ARHGEF18: variants seen among roughly 807,000 people sequenced by gnomAD.
The protein encoded by ARHGEF18 is Rho/Rac guanine nucleotide exchange factor 18.
A neutral mutation model predicts 155.7 loss-of-function variants in ARHGEF18; 93 were observed. That is an observed-to-expected ratio of 0.60 (90% CI 0.50 to 0.71). The LOEUF (loss-of-function observed/expected upper bound fraction) is 0.71, where lower values mean the gene tolerates loss of function less well. ARHGEF18 is among the 30% of genes least tolerant of loss of function. The pLI is 0.00. For synonymous variants in ARHGEF18, 742 were observed against 753.1 expected (o/e 0.99, Z 0.24); for missense variants, 1,593 against 1,816.1 (o/e 0.88, Z 2.23).
At chr19:7,366,747 T>C (rs1004937365) in intron 2 of ARHGEF18, among the ~76,000 whole-genome samples, 2 of 152,012 alleles carry the variant, frequency 1.3e-5, no homozygotes, top group Admixed American at 6.6e-5. Flanking sequence ...CTCCTGAAAT[T>C]TATTTATTTT....
In ARHGEF18 at chr19:7,451,071, C is replaced by T. The variant is rs554144285; in HGVS notation, c.1738-78C>T. The T allele has an allele frequency of 8.6e-4, 1,029 of 1,193,830 alleles. 14 individuals are homozygous for T. The African/African-American group carries it at 0.024, about 28-fold the overall frequency. 74.0% of individuals were successfully genotyped at this position (1,193,830 alleles called of 1,614,324 possible). ...GATGTTAATGCGGGATCTTGCTGTC[C>T]GTTTCTGAGATGTTAATACAGGATC... On this transcript the variant is annotated intron_variant, in intron 15 of 28. Coordinates refer to ENST00000668164, the MANE Select transcript of ARHGEF18 (RefSeq NM_001367823.1).
At chr19:7,458,052 C>T (rs915042648) in intron 18 of ARHGEF18, among the ~76,000 whole-genome samples, 5 of 151,834 alleles carry the variant, frequency 3.3e-5, no homozygotes, top group African/African-American at 1.2e-4. Flanking sequence ...TTTGGGAGGC[C>T]GAGATAGGAG....
chr19:7,424,200 A>G (rs1166078524), intron 10 of ARHGEF18, among the ~76,000 whole-genome samples: 3 of 151,672 alleles, frequency 2.0e-5, no homozygotes. Context: ...CTAATTTTGT[A>G]TATTTAGTAG....
intron 19 of ARHGEF18, among the ~76,000 whole-genome samples, chr19:7,459,241 A>G (rs1281508728): frequency 2.0e-5 from 3 of 151,458 alleles, no homozygotes; most frequent in Non-Finnish European, 4.4e-5. Flanking sequence ...TGTTTTTTAG[A>G]GTCTGGCTCT....
chr19:7,458,547 C>T lies in ARHGEF18; in HGVS notation c.2217C>T (p.Leu739=), dbSNP rs771857478. ...CACCCGTCATCTCGTTACAAAAGCT[C>T]ATCGTGAGGGAAGTGGCCAACGAGG... The part of the protein sequence containing the change: ...SKPPVISLQK[L]IVREVANEEK... Residue 739 remains leucine (L), a synonymous_variant, in exon 19 of 29, where the codon CTC becomes CTT. Transcript: ENST00000668164. 2 of 1,614,130 alleles carry T rather than the reference C, an allele frequency of 1.2e-6. No homozygotes were observed. The highest frequency in any genetic ancestry group is 1.6e-4 in the Middle Eastern group (1 of 6,062).
At chr19:7,475,376 G>A (rs1247464955), downstream of ARHGEF18, among the ~76,000 whole-genome samples, 1 of 152,202 alleles carries the variant, frequency 6.6e-6, no homozygotes, top group East Asian at 1.9e-4. Context: ...AACAGCTGAG[G>A]GGTGTGAGGT....
chr19:7,442,146 C>T (rs1974695123), intron 13 of ARHGEF18, 94 bp downstream of exon 13: 18 of 456,102 alleles, frequency 3.9e-5, no homozygotes, highest in Admixed American at 1.4e-4. Flanking sequence ...TCCTTCCTTC[C>T]TTCCTTCCTT....
rs78665436 is a variant in ARHGEF18, at chr19:7,368,452, T to C, written c.16-4360T>C. On this transcript the variant is annotated intron_variant, in intron 2 of 28. Transcript: ENST00000668164. ...GGCTCTCATCTTTTCTTGCCCAAGATATGTCAGAACAAAGGTGCAAGCTCC... is the reference window on the plus strand; with the variant it reads ...GGCTCTCATCTTTTCTTGCCCAAGACATGTCAGAACAAAGGTGCAAGCTCC... Among the ~76,000 whole-genome samples, 375 of 152,210 alleles carry C rather than the reference T, an allele frequency of 2.5e-3. 10 individuals carry two copies. The East Asian group carries it at 0.06, about 25-fold the overall frequency.
chr19:7,352,724 G>A (rs575322390), intron 1 of ARHGEF18, among the ~76,000 whole-genome samples: 100 of 150,142 alleles, frequency 6.7e-4, no homozygotes, highest in African/African-American at 9.3e-4. Flanking sequence ...CAGTAGAGAC[G>A]GGGTTTCACA....
In ARHGEF18 at chr19:7,463,855, C is replaced by T; in HGVS notation, c.2673C>T (p.Gly891=). The T allele has an allele frequency of 6.2e-7, 1 of 1,606,250 alleles. No homozygotes were observed. The highest frequency in any genetic ancestry group is 8.5e-7 in the Non-Finnish European group (1 of 1,176,900). Residue 891 remains glycine, a synonymous_variant, in exon 22 of 29, where the codon GGC becomes GGT. Transcript: ENST00000668164. The surrounding 1 kb of genome is among the most constrained non-coding windows in gnomAD (Gnocchi z 5.2). ...GIQSLICRQL[G]SANGQAEDGG... Reference sequence around the variant, plus strand: ...AGAGCCTGATCTGCAGGCAGCTGGGCAGCGCCAACGGCCAGGCGGAAGACG... The same window carrying T: ...AGAGCCTGATCTGCAGGCAGCTGGGTAGCGCCAACGGCCAGGCGGAAGACG...
At chr19:7,419,118 CA>C (rs549725450) in intron 10 of ARHGEF18, among the ~76,000 whole-genome samples, 1,671 of 131,612 alleles carry the variant, frequency 0.013, 335 homozygotes, top group East Asian at 0.081. Flanking sequence ...CTCTGTACCC[CA>C]GATGTACCCA....
intron 2 of ARHGEF18, among the ~76,000 whole-genome samples, chr19:7,371,946 C>T (rs182093117): frequency 1.3e-5 from 2 of 152,200 alleles, no homozygotes; most frequent in South Asian, 2.1e-4. Flanking sequence ...GCAAACCCTG[C>T]GTAGCTCCTC....
chr19:7,373,695 C>T lies in ARHGEF18; in HGVS notation c.275+624C>T, dbSNP rs182243607. Among the ~76,000 whole-genome samples the T allele has an allele frequency of 2.0e-3, 295 of 151,274 alleles. 1 individual carries two copies. Among genetic ancestry groups the T allele is most frequent in the Non-Finnish European group, 2.6e-3 (176 of 67,852 alleles). ...TTCACCATGTTGGTCAGGCTGGTCTCGAACTCCTGACTTCATGATCTGCCT... is the reference window on the plus strand; with the variant it reads ...TTCACCATGTTGGTCAGGCTGGTCTTGAACTCCTGACTTCATGATCTGCCT... On this transcript the variant is annotated intron_variant, in intron 3 of 28. Transcript: ENST00000668164.
intron 2 of ARHGEF18, among the ~76,000 whole-genome samples, chr19:7,371,626 A>G (rs8101072): frequency 0.2 from 29,849 of 151,744 alleles, 6,679 homozygotes; most frequent in African/African-American, 0.54. Context: ...TTCGAGACCA[A>G]CCCGGCCAAC....
intron 1 of ARHGEF18, among the ~76,000 whole-genome samples, chr19:7,360,385 G>GCA (rs1969496781): frequency 6.6e-6 from 1 of 151,998 alleles, no homozygotes. Flanking sequence ...ATAAGCACAT[G>GCA]CCACCATGCC....
At chr19:7,362,733 C>G in intron 1 of ARHGEF18, 48 bp from the exon 2 acceptor site, 1 of 1,232,302 alleles carries the variant, frequency 8.1e-7, no homozygotes, top group East Asian at 3.2e-5. Flanking sequence ...CTGGCTTCCT[C>G]AGCACTCCCA....
At chr19:7,459,717 G>A (rs968242365) in intron 19 of ARHGEF18, among the ~76,000 whole-genome samples, 186 bp from the exon 20 acceptor site, 2 of 152,194 alleles carry the variant, frequency 1.3e-5, no homozygotes, top group African/African-American at 2.4e-5. Flanking sequence ...ATGCCCTGGC[G>A]CTTTGGGGCG....
At chr19:7,392,258 A>G (rs1474119409) in intron 10 of ARHGEF18, among the ~76,000 whole-genome samples, 2 of 151,628 alleles carry the variant, frequency 1.3e-5, no homozygotes, top group African/African-American at 4.8e-5. Flanking sequence ...AAAAAAAAAA[A>G]AAAGACTCAT....
intron 10 of ARHGEF18, among the ~76,000 whole-genome samples, chr19:7,389,967 T>C (rs1253282450): frequency 2.6e-5 from 4 of 152,052 alleles, no homozygotes; most frequent in Admixed American, 2.0e-4. Flanking sequence ...TTTGGGAGGC[T>C]GAGGCAGGAG....
Sources: gnomAD v4.1 joint callset for allele counts (sites outside exome capture counted in the v4.1 genomes callset) on GRCh38, gnomAD v4.1.1 for gene constraint, Gnocchi (gnomAD v3.1) non-coding constraint, MANE v1.5 for transcripts, NCBI Gene and HGNC (gene_info 2026-07-23, HGNC 2026-07-21) for gene names.